CTNND2: variants seen among roughly 807,000 people sequenced by gnomAD.
The protein encoded by CTNND2 is catenin delta-2.
In CTNND2, 22 loss-of-function variants were observed where a neutral mutation model predicts 144.4. The ratio of observed to expected loss-of-function variants is 0.15; its 90% confidence interval spans 0.11 to 0.22. The LOEUF (loss-of-function observed/expected upper bound fraction) is 0.22. Among genes scored for constraint, CTNND2 ranks in the 10% least tolerant of loss-of-function variants. The probability of loss-of-function intolerance (pLI) is 1.00; values close to 1 mark genes in which losing one functional copy is unlikely to be tolerated. For missense variants in CTNND2, 1,353 were observed against 1,618.8 expected, an observed-to-expected ratio of 0.84 and a Z score of 2.82; for synonymous variants, 751 against 695.6, an observed-to-expected ratio of 1.08 and a Z score of -1.25.
intron 12 of CTNND2, among the ~76,000 whole-genome samples, chr5:11,124,018 G>A (rs576487344): frequency 2.0e-5 from 3 of 152,258 alleles, no homozygotes; most frequent in African/African-American, 7.2e-5. Context: ...TTGTGAGGGG[G>A]GATCTCACAA....
chr5:11,536,073 G>T (rs900380566), intron 3 of CTNND2, among the ~76,000 whole-genome samples: 4 of 151,906 alleles, frequency 2.6e-5, no homozygotes, highest in Admixed American at 1.3e-4. Context: ...TTCCATTTTT[G>T]ATTTTTTAGT....
intron 1 of CTNND2, among the ~76,000 whole-genome samples, chr5:11,842,323 G>A (rs1022150662): frequency 2.6e-5 from 4 of 152,066 alleles, no homozygotes; most frequent in Admixed American, 6.6e-5. Flanking sequence ...ATAGTAAGAC[G>A]TACCAGTAAC....
At chr5:11,416,122 G>A (rs1429095177) in intron 3 of CTNND2, among the ~76,000 whole-genome samples, 1 of 152,152 alleles carries the variant, frequency 6.6e-6, no homozygotes, top group Non-Finnish European at 1.5e-5. Context: ...GCACAGAGTT[G>A]GAAGAAAATG....
chr5:11,169,791 T>G (rs1247455742), intron 11 of CTNND2, among the ~76,000 whole-genome samples: 1 of 152,186 alleles, frequency 6.6e-6, no homozygotes, highest in Non-Finnish European at 1.5e-5. Context: ...TTGGAGACCC[T>G]GTTATGCACT....
In CTNND2 at chr5:11,882,030, C is replaced by A. The variant is rs1736155781; in HGVS notation, c.37+21787G>T. Among the ~76,000 whole-genome samples the A allele has an allele frequency of 1.3e-5, 2 of 151,920 alleles. 1 individual carries two copies. The highest frequency in any genetic ancestry group is 4.2e-4 in the South Asian group (2 of 4,802). On this transcript the variant is annotated intron_variant, in intron 1 of 21. Coordinates refer to ENST00000304623, the MANE Select transcript of CTNND2 (RefSeq NM_001332.4). ...ATGTACCTGTTAGATATCTCTATGT[C>A]TTTTTGATTATTTGCCCATTTTTAC... is the stretch of plus-strand genomic sequence containing the variant.
intron 9 of CTNND2, among the ~76,000 whole-genome samples, chr5:11,247,562 T>G (rs934703803): frequency 6.6e-6 from 1 of 152,144 alleles, no homozygotes; most frequent in African/African-American, 2.4e-5. Context: ...GATGAGAAAA[T>G]TGGCTATTTC....
rs1305142404 is a variant in CTNND2, at chr5:11,128,882, A to G, written c.2160-11315T>C. Among the ~76,000 whole-genome samples the G allele has an allele frequency of 9.2e-5, 6 of 64,894 alleles. 1 individual carries two copies. Among genetic ancestry groups the G allele is most frequent in the Non-Finnish European group, 6.0e-5 (2 of 33,166 alleles). The allele number at this position is 64,894 out of a possible 152,430, so 42.6% of individuals were successfully genotyped here. A position where few individuals can be genotyped will look rare whatever the true frequency, so the allele number is the denominator to read the frequency against. On this transcript the variant is annotated intron_variant, in intron 12 of 21. Coordinates refer to ENST00000304623, the MANE Select transcript of CTNND2 (RefSeq NM_001332.4). ...TATATATAATATATAAATATATAATACATAAATATATATTACATATATAAA... is the reference window on the plus strand; with the variant it reads ...TATATATAATATATAAATATATAATGCATAAATATATATTACATATATAAA...
At chr5:11,443,261 G>A (rs1053858941) in intron 3 of CTNND2, among the ~76,000 whole-genome samples, 1 of 123,422 alleles carries the variant, frequency 8.1e-6, no homozygotes, top group Non-Finnish European at 1.7e-5. Flanking sequence ...TGCTGTGTGT[G>A]GTGTGTGTGT....
At chr5:11,852,178 C>A (rs759584393) in intron 1 of CTNND2, among the ~76,000 whole-genome samples, 5 of 152,118 alleles carry the variant, frequency 3.3e-5, no homozygotes, top group Non-Finnish European at 5.9e-5. Context: ...TCACACTCAG[C>A]CCCAAGAATG....
chr5:11,022,849 C>T lies in CTNND2; in HGVS notation c.2919G>A (p.Lys973=). Residue 973 remains lysine (K), a synonymous_variant, in exon 17 of 22, where the codon AAG becomes AAA. Coordinates refer to ENST00000304623, the MANE Select transcript of CTNND2 (RefSeq NM_001332.4). ...VCCTLHEVIT[K]NMENAKALRD... is the part of the protein sequence containing the mutation. ...GTAAGGCCTTGGCGTTCTCCATGTT[C>T]TTGGTAATCACTTCGTGCAGTGTGC... 6.2e-7 allele frequency: 1 copy of T among 1,614,232 alleles called. No homozygotes were observed. The highest frequency in any genetic ancestry group is 8.5e-7 in the Non-Finnish European group (1 of 1,180,038).
chr5:11,554,610 G>C (rs1191771819), intron 3 of CTNND2, among the ~76,000 whole-genome samples: 6 of 152,030 alleles, frequency 3.9e-5, no homozygotes, highest in Admixed American at 3.3e-4. Context: ...ATTTAATTTT[G>C]TGTCTGGCCT....
chr5:11,830,307 G>A (rs567610315), intron 1 of CTNND2, among the ~76,000 whole-genome samples: 6 of 152,162 alleles, frequency 3.9e-5, no homozygotes, highest in Non-Finnish European at 5.9e-5. Context: ...GGGGCCAGGG[G>A]CAGAATGATA....
At chr5:11,669,426 G>C (rs1783755563) in intron 2 of CTNND2, among the ~76,000 whole-genome samples, 1 of 152,130 alleles carries the variant, frequency 6.6e-6, no homozygotes, top group Non-Finnish European at 1.5e-5. Context: ...ATTAATTGCT[G>C]CCTCAATTTC....
rs1738360899 is a variant in CTNND2 at position 10,988,995 on chromosome 5, T to C, written c.3212-753A>G. Among the ~76,000 whole-genome samples the C allele has an allele frequency of 1.3e-5, 2 of 152,174 alleles. No individual in the cohort carries two copies. Among genetic ancestry groups the C allele is most frequent in the Admixed American group, 1.3e-4 (2 of 15,284 alleles). ...AGCCCTGCCGTTCCTCTTACACCCA[T>C]TTCTAAAGTGCTGGGTTGTAATTGG... On this transcript the variant is annotated intron_variant, in intron 19 of 21. Transcript: ENST00000304623. The surrounding 1 kb of genome is among the most constrained non-coding windows in gnomAD (Gnocchi z 5.9).
At chr5:11,397,244 G>T (rs1760231496) in intron 5 of CTNND2, 41 bp from the exon 6 acceptor site, 1 of 1,566,738 alleles carries the variant, frequency 6.4e-7, no homozygotes, top group Non-Finnish European at 8.8e-7. Flanking sequence ...GACAGTCTCA[G>T]TGAAGCAGAA....
chr5:11,247,648 T>G (rs1308607330), intron 9 of CTNND2, among the ~76,000 whole-genome samples: 1 of 152,234 alleles, frequency 6.6e-6, no homozygotes, highest in Non-Finnish European at 1.5e-5. Flanking sequence ...TTCAATTTAT[T>G]AGAAGTTAGG....
At chr5:11,250,456 GCTCTCTCTCTCT>G (rs71595810) in intron 9 of CTNND2, among the ~76,000 whole-genome samples, 6 of 73,198 alleles carry the variant, frequency 8.2e-5, no homozygotes, top group African/African-American at 1.7e-4. Context: ...TTTAAAGGGT[GCTCTCTCTCTCT>G]CTCTCTCTCT....
At position 11,384,654 on chromosome 5, in the gene CTNND2, C is replaced by T. The variant is rs749309249; in HGVS notation, c.1177+11G>A. On this transcript the variant is annotated intron_variant, in intron 7 of 21. Coordinates refer to ENST00000304623, the MANE Select transcript of CTNND2 (RefSeq NM_001332.4). This position sits in a 1 kb window ranked among gnomAD's most constrained non-coding sequence, Gnocchi z 5.2. The stretch of plus-strand genomic sequence containing the variant: ...CCAGGTGAGTCGCGCCAGGTGGCAG[C>T]GAGCCTTTACCTGCCAGGCTGCCCG... 3.8e-6 allele frequency: 6 copies of T among 1,591,606 alleles called. No homozygotes were observed. The East Asian group carries it at 1.1e-4, about 30-fold the overall frequency.
chr5:11,538,284 T>G (rs1331148292), intron 3 of CTNND2, among the ~76,000 whole-genome samples: 1 of 152,214 alleles, frequency 6.6e-6, no homozygotes, highest in African/African-American at 2.4e-5. Flanking sequence ...GAATAAGGTA[T>G]GGGTCTTTGC....
Sources: gnomAD v4.1 joint callset for allele counts (sites outside exome capture counted in the v4.1 genomes callset) on GRCh38, gnomAD v4.1.1 for gene constraint, Gnocchi (gnomAD v3.1) non-coding constraint, MANE v1.5 for transcripts, NCBI Gene and HGNC (gene_info 2026-07-23, HGNC 2026-07-21) for gene names.